The following PMP22 variants were observed in gnomAD, a reference collection of about 807,000 sequenced individuals.
The protein encoded by PMP22 is peripheral myelin protein 22.
PMP22 carries 2 observed loss-of-function variants against 18.9 expected under a neutral mutation model. The ratio of observed to expected loss-of-function variants is 0.11; its 90% CI spans 0.04 to 0.33. PMP22 has a LOEUF of 0.33. Among genes scored for constraint, PMP22 ranks in the 10% least tolerant of loss-of-function variants. The pLI is 1.00. For missense variants in PMP22, 169 were observed against 202.2 expected, an observed-to-expected ratio of 0.84 and a Z score of 1.00; for synonymous variants, 95 against 89.2, an observed-to-expected ratio of 1.07 and a Z score of -0.37.
intron 3 of PMP22, among the ~76,000 whole-genome samples, chr17:15,257,714 G>A (rs1358218031): frequency 1.3e-5 from 2 of 152,094 alleles, no homozygotes; most frequent in Non-Finnish European, 2.9e-5. Context: ...GTAATTTCTG[G>A]GATGGCTTTA....
At chr17:15,243,183 CTAA>C (rs1907500793) in intron 3 of PMP22, among the ~76,000 whole-genome samples, 1 of 152,104 alleles carries the variant, frequency 6.6e-6, no homozygotes, top group East Asian at 1.9e-4. Flanking sequence ...AAAGCACAGA[CTAA>C]TGAGACAGAA....
chr17:15,231,715 G>C (rs1906369662), intron 4 of PMP22, among the ~76,000 whole-genome samples: 1 of 152,188 alleles, frequency 6.6e-6, no homozygotes, highest in African/African-American at 2.4e-5. Context: ...AGTATGACTG[G>C]GAAGCCACGC....
chr17:15,260,567 G>A, intron 2 of PMP22, 83 bp downstream of exon 2: 2 of 1,156,770 alleles, frequency 1.7e-6, no homozygotes, highest in Middle Eastern at 2.5e-4. Context: ...AAATAACACA[G>A]TCCTGAACCA....
Position 15,239,574 on chromosome 17 carries a change from C to T in PMP22, c.216G>A (p.Ser72=), listed in dbSNP as rs774493881. The T allele has an allele frequency of 2.1e-5, 34 of 1,613,840 alleles. No homozygotes were observed. The East Asian group carries it at 3.8e-4, about 18-fold the overall frequency. The part of the protein sequence containing the change: ...LQSVQATMIL[S]IIFSILSLFL... The stretch of plus-strand genomic sequence containing the variant: ...ACAGAGACAGAATGCTGAAGATGAT[C>T]GACAGGATCATGGTGGCCTGGACAG... Residue 72 remains serine, a synonymous_variant, in exon 4 of 5, where the codon TCG becomes TCA. Coordinates refer to ENST00000312280, the MANE Select transcript of PMP22 (RefSeq NM_000304.4).
chr17:15,262,931 C>T (rs1225691502), intron 1 of PMP22, among the ~76,000 whole-genome samples: 3 of 151,990 alleles, frequency 2.0e-5, no homozygotes, highest in South Asian at 2.1e-4. Context: ...CGACGCCGAC[C>T]GCGCCCGCGC....
At chr17:15,239,888 T>G (rs1907169878) in intron 3 of PMP22, among the ~76,000 whole-genome samples, 1 of 152,228 alleles carries the variant, frequency 6.6e-6, no homozygotes, top group Non-Finnish European at 1.5e-5. Flanking sequence ...TGTGCCAATA[T>G]GTACACATTA....
chr17:15,245,645 T>A (rs564980814), intron 3 of PMP22, among the ~76,000 whole-genome samples: 3 of 152,090 alleles, frequency 2.0e-5, no homozygotes, highest in Non-Finnish European at 4.4e-5. Context: ...TAAACAAGCA[T>A]TTACAGGCTG....
intron 4 of PMP22, chr17:15,235,318 C>T (rs1226226034): frequency 2.8e-6 from 2 of 717,438 alleles, no homozygotes; most frequent in South Asian, 1.5e-5. Flanking sequence ...AATCATCCAA[C>T]CAATAATAGT....
At chr17:15,247,343 T>C (rs1162384884) in intron 3 of PMP22, among the ~76,000 whole-genome samples, 1 of 152,210 alleles carries the variant, frequency 6.6e-6, no homozygotes, top group African/African-American at 2.4e-5. Context: ...CACTCCAGCC[T>C]GGGCGACAGA....
intron 3 of PMP22, among the ~76,000 whole-genome samples, chr17:15,249,898 G>A (rs560389247): frequency 6.6e-6 from 1 of 152,254 alleles, no homozygotes; most frequent in South Asian, 2.1e-4. Flanking sequence ...ACAAAAGAGG[G>A]GCAGTGTTGG....
intron 3 of PMP22, among the ~76,000 whole-genome samples, chr17:15,246,577 C>T (rs1258462977): frequency 1.3e-5 from 2 of 152,230 alleles, no homozygotes; most frequent in Non-Finnish European, 2.9e-5. Flanking sequence ...TTAACACAAG[C>T]CCCAGTGTGG....
chr17:15,248,492 A>C (rs1398115501), intron 3 of PMP22, among the ~76,000 whole-genome samples: 2 of 152,206 alleles, frequency 1.3e-5, no homozygotes, highest in Non-Finnish European at 2.9e-5. Flanking sequence ...CTAGTTCTGC[A>C]CTTTGACATC....
Position 15,242,970 on chromosome 17 carries a change from A to C in PMP22, c.179-3359T>G, listed in dbSNP as rs577936887. 2.4e-4 allele frequency among the ~76,000 whole-genome samples: 36 copies of C among 152,330 alleles called. No homozygotes were observed. The East Asian group carries it at 6.7e-3, about 29-fold the overall frequency. ...ATTAAAAAAAACAAGATGAAAAGTAAAAACTTCTTCAGCAAGGAATTATAT... is the reference window on the plus strand; with the variant it reads ...ATTAAAAAAAACAAGATGAAAAGTACAAACTTCTTCAGCAAGGAATTATAT... On this transcript the variant is annotated intron_variant, in intron 3 of 4. Transcript: ENST00000312280.
Position 15,249,507 on chromosome 17 carries a change from A to G in PMP22, c.178+9587T>C, listed in dbSNP as rs184913361. The stretch of plus-strand genomic sequence containing the variant: ...ATCTAATGAATTAAATTATTCTACC[A>G]CCATTCTTCAGACTTAGAATCCACA... On this transcript the variant is annotated intron_variant, in intron 3 of 4. Coordinates refer to ENST00000312280, the MANE Select transcript of PMP22 (RefSeq NM_000304.4). 3.5e-4 allele frequency among the ~76,000 whole-genome samples: 53 copies of G among 152,248 alleles called. No homozygotes were observed. The East Asian group carries it at 8.3e-3, about 24-fold the overall frequency.
chr17:15,233,358 G>T (rs1001473392), intron 4 of PMP22, among the ~76,000 whole-genome samples: 10 of 152,346 alleles, frequency 6.6e-5, no homozygotes, highest in African/African-American at 2.2e-4. Context: ...CACTGACCCT[G>T]TCCAGACAAT....
intron 4 of PMP22, chr17:15,235,189 T>C: frequency 4.2e-6 from 3 of 717,128 alleles, no homozygotes; most frequent in South Asian, 3.0e-5. Flanking sequence ...TGAACAACAA[T>C]AACAAAAAGA....
At chr17:15,243,115 A>G (rs1367518758) in intron 3 of PMP22, among the ~76,000 whole-genome samples, 1 of 152,178 alleles carries the variant, frequency 6.6e-6, no homozygotes, top group Non-Finnish European at 1.5e-5. Flanking sequence ...TTTCAACTCA[A>G]GAAGCCAGAA....
chr17:15,254,695 C>A (rs907037423), intron 3 of PMP22, among the ~76,000 whole-genome samples: 1 of 152,070 alleles, frequency 6.6e-6, no homozygotes, highest in Non-Finnish European at 1.5e-5. Flanking sequence ...TGGTGGCTCA[C>A]GCTTGTAATC....
intron 4 of PMP22, chr17:15,235,163 C>T: frequency 1.4e-6 from 1 of 716,100 alleles, no homozygotes; most frequent in Non-Finnish European, 2.6e-6. Flanking sequence ...ATTGATCTTT[C>T]TATTAACAAA....
Sources: allele counts gnomAD v4.1 joint callset (sites outside exome capture counted in the v4.1 genomes callset), GRCh38; gene constraint gnomAD v4.1.1; transcripts MANE v1.5; gene names NCBI Gene and HGNC (gene_info 2026-07-23, HGNC 2026-07-21).